Variants in SOX5 observed in about 807,000 individuals in gnomAD.
The protein encoded by SOX5 is transcription factor SOX-5.
In SOX5, 9 loss-of-function variants were observed where a neutral mutation model predicts 92.0. That is an observed-to-expected ratio of 0.10 (90% CI 0.06 to 0.17). The LOEUF (loss-of-function observed/expected upper bound fraction) is 0.17, where lower values mean the gene tolerates loss of function less well. Among genes scored for constraint, SOX5 ranks in the 10% least tolerant of loss-of-function variants. The pLI is 1.00. For synonymous variants in SOX5, 344 were observed against 336.3 expected (o/e 1.02, Z -0.25); for missense variants, 642 against 944.5 (o/e 0.68, Z 4.20).
chr12:24,192,032 T>G (rs1261464017), intron 4 of SOX5, among the ~76,000 whole-genome samples: 1 of 152,264 alleles, frequency 6.6e-6, no homozygotes, highest in Admixed American at 6.5e-5. Flanking sequence ...AGTACTATAT[T>G]CTAGCTTAAA....
intron 9 of SOX5, among the ~76,000 whole-genome samples, chr12:23,595,999 G>C (rs948975879): frequency 6.6e-6 from 1 of 152,168 alleles, no homozygotes; most frequent in Admixed American, 6.5e-5. Context: ...TTGATATTGC[G>C]AGACTCTAGG....
intron 4 of SOX5, among the ~76,000 whole-genome samples, chr12:24,005,699 T>G (rs1266829947): frequency 2.0e-5 from 3 of 152,204 alleles, no homozygotes; most frequent in Non-Finnish European, 4.4e-5. Flanking sequence ...TCTAGAATAT[T>G]TGGCACATAC....
At chr12:24,152,050 A>G (rs1051783539) in intron 4 of SOX5, among the ~76,000 whole-genome samples, 3 of 152,138 alleles carry the variant, frequency 2.0e-5, no homozygotes, top group South Asian at 2.1e-4. Flanking sequence ...GTCTTCCTCT[A>G]TCACTGAAGG....
chr12:23,776,940 C>T (rs574347642), intron 3 of SOX5, among the ~76,000 whole-genome samples: 1 of 152,280 alleles, frequency 6.6e-6, no homozygotes, highest in African/African-American at 2.4e-5. Flanking sequence ...TTGTCACTTC[C>T]TATTTTCAAT....
At chr12:23,900,186 G>C (rs2097216574) in intron 1 of SOX5, among the ~76,000 whole-genome samples, 1 of 152,172 alleles carries the variant, frequency 6.6e-6, no homozygotes. Flanking sequence ...AATGTAGCCT[G>C]TAACACTCCT....
chr12:24,457,014 T>C (rs998889907), intron 1 of SOX5, among the ~76,000 whole-genome samples: 1 of 152,354 alleles, frequency 6.6e-6, no homozygotes, highest in South Asian at 2.1e-4. Flanking sequence ...ATTTGGCAGT[T>C]TACTTTTTGC....
At chr12:24,049,961 T>A (rs1320568667) in intron 4 of SOX5, among the ~76,000 whole-genome samples, 1 of 151,978 alleles carries the variant, frequency 6.6e-6, no homozygotes. Flanking sequence ...TTTTCTACTA[T>A]CTGCTGGATA....
At chr12:23,892,677 T>C (rs888774985) in intron 2 of SOX5, among the ~76,000 whole-genome samples, 1 of 152,196 alleles carries the variant, frequency 6.6e-6, no homozygotes, top group Non-Finnish European at 1.5e-5. Context: ...AAGAAACATA[T>C]GCAGCAGAAA....
chr12:23,678,820 A>G (rs909013174), intron 6 of SOX5, among the ~76,000 whole-genome samples: 1 of 152,160 alleles, frequency 6.6e-6, no homozygotes, highest in Non-Finnish European at 1.5e-5. Context: ...CCTACAAACT[A>G]GGCTTTTAAT....
chr12:24,025,514 T>C (rs1004823521), intron 4 of SOX5, among the ~76,000 whole-genome samples: 3 of 152,026 alleles, frequency 2.0e-5, no homozygotes, highest in Admixed American at 2.0e-4. Context: ...AATATTATTT[T>C]AGATACAGAG....
intron 11 of SOX5, among the ~76,000 whole-genome samples, chr12:23,560,149 T>TC (rs746543758): frequency 4.4e-4 from 67 of 152,182 alleles, no homozygotes; most frequent in East Asian, 7.7e-4. Context: ...GACCTCGTGA[T>TC]CCCCCCGCCT....
At chr12:24,274,135 G>T (rs1346309368) in intron 3 of SOX5, among the ~76,000 whole-genome samples, 1 of 151,996 alleles carries the variant, frequency 6.6e-6, no homozygotes, top group Non-Finnish European at 1.5e-5. Context: ...TATCCATAAG[G>T]TCATGTTTCT....
At chr12:23,718,578 A>C (rs534771940) in intron 6 of SOX5, among the ~76,000 whole-genome samples, 5 of 152,356 alleles carry the variant, frequency 3.3e-5, no homozygotes, top group Admixed American at 1.3e-4. Context: ...ACCTCTAAAA[A>C]TGCAGATGAT....
intron 1 of SOX5, among the ~76,000 whole-genome samples, chr12:24,496,541 A>C (rs1206501278): frequency 6.6e-6 from 1 of 152,174 alleles, no homozygotes; most frequent in Non-Finnish European, 1.5e-5. Flanking sequence ...CAGGTAACTT[A>C]TGTAATGTTA....
intron 1 of SOX5, among the ~76,000 whole-genome samples, chr12:24,541,092 C>T (rs1321104987): frequency 6.6e-6 from 1 of 152,178 alleles, no homozygotes; most frequent in Non-Finnish European, 1.5e-5. Context: ...CTCCTATAAA[C>T]AGTCAAAATC....
At position 24,454,258 on chromosome 12, in the gene SOX5, G is replaced by A. The variant is rs79543035; in HGVS notation, c.-250-85619C>T. ...TTGTCTTGAGTTTCTATTAAGGTCT[G>A]AACAATTCTAAAGTGATCCAGCATC... On this transcript the variant is annotated intron_variant, in intron 1 of 4. Coordinates refer to the SOX5 transcript ENST00000446891. Among the ~76,000 whole-genome samples the A allele has an allele frequency of 4.5e-3, 690 of 152,270 alleles. 11 individuals are homozygous for A. The East Asian group carries it at 0.051, about 11-fold the overall frequency.
intron 1 of SOX5, among the ~76,000 whole-genome samples, chr12:24,420,039 G>A (rs1414865850): frequency 6.6e-6 from 1 of 152,210 alleles, no homozygotes; most frequent in Non-Finnish European, 1.5e-5. Flanking sequence ...GCTAAGAGAT[G>A]ATACTTTTCC....
chr12:24,189,803 T>C (rs1201036393), intron 4 of SOX5, among the ~76,000 whole-genome samples: 1 of 152,228 alleles, frequency 6.6e-6, no homozygotes, highest in Non-Finnish European at 1.5e-5. Flanking sequence ...TTTATGTATG[T>C]ATGCTTTATA....
At chr12:23,921,039 G>T (rs771617276) in intron 1 of SOX5, among the ~76,000 whole-genome samples, 7 of 151,970 alleles carry the variant, frequency 4.6e-5, no homozygotes, top group African/African-American at 1.7e-4. Flanking sequence ...AATATTTGTT[G>T]AGTGACTGTC....
Sources: gnomAD v4.1 joint callset for allele counts (sites outside exome capture counted in the v4.1 genomes callset) on GRCh38, gnomAD v4.1.1 for gene constraint, MANE v1.5 for transcripts, NCBI Gene and HGNC (gene_info 2026-07-23, HGNC 2026-07-21) for gene names.